The following SNTG1 variants were observed in gnomAD, a reference collection of about 807,000 sequenced individuals.
SNTG1 encodes gamma-1-syntrophin.
In SNTG1, 39 loss-of-function variants were observed where a neutral mutation model predicts 74.7. The observed-to-expected ratio is 0.52, with a 90% CI of 0.40 to 0.68. The LOEUF (loss-of-function observed/expected upper bound fraction) is 0.68, where lower values mean the gene tolerates loss of function less well. SNTG1 is among the 30% of genes least tolerant of loss of function. The pLI is 0.00. For synonymous variants in SNTG1, 254 were observed against 217.1 expected, an observed-to-expected ratio of 1.17 and a Z score of -1.49; for missense variants, 685 against 609.5, an observed-to-expected ratio of 1.12 and a Z score of -1.30.
chr8:50,260,428 T>TA (rs1434146489), intron 2 of SNTG1, among the ~76,000 whole-genome samples: 2 of 152,014 alleles, frequency 1.3e-5, no homozygotes, highest in African/African-American at 4.8e-5. Flanking sequence ...ATAGTACACT[T>TA]CTCCACACAC....
chr8:50,609,182 T>C (rs1476148027), intron 13 of SNTG1, among the ~76,000 whole-genome samples: 1 of 152,086 alleles, frequency 6.6e-6, no homozygotes, highest in Non-Finnish European at 1.5e-5. Context: ...GCATTAGTTT[T>C]CGTTTCTCAC....
intron 15 of SNTG1, among the ~76,000 whole-genome samples, chr8:50,663,511 CAGT>C (rs1269608500): frequency 6.6e-6 from 1 of 152,102 alleles, no homozygotes; most frequent in Non-Finnish European, 1.5e-5. Context: ...AGTGCCCTCA[CAGT>C]AGCTACTCAC....
intron 8 of SNTG1, among the ~76,000 whole-genome samples, chr8:50,476,857 G>GACAGACACAC (rs2093700637): frequency 6.9e-6 from 1 of 145,862 alleles, no homozygotes; most frequent in African/African-American, 2.5e-5. Context: ...GACACACACA[G>GACAGACACAC]ACACACACAC....
At chr8:50,097,617 A>G (rs571893831) in intron 1 of SNTG1, among the ~76,000 whole-genome samples, 1 of 151,918 alleles carries the variant, frequency 6.6e-6, no homozygotes, top group African/African-American at 2.4e-5. Flanking sequence ...GCGCCACAGC[A>G]CTCCAGCCTG....
intron 11 of SNTG1, among the ~76,000 whole-genome samples, chr8:50,537,118 A>G (rs72643622): frequency 0.092 from 13,916 of 151,986 alleles, 920 homozygotes; most frequent in Non-Finnish European, 0.14. Flanking sequence ...TAGTTTATCT[A>G]TTTGTTTGTT....
chr8:50,042,042 A>G (rs909571596), intron 1 of SNTG1, among the ~76,000 whole-genome samples: 7 of 152,166 alleles, frequency 4.6e-5, no homozygotes, highest in African/African-American at 1.7e-4. Context: ...ACCCTGATAA[A>G]CCAATTATAA....
intron 17 of SNTG1, among the ~76,000 whole-genome samples, chr8:50,741,820 C>T (rs2095544106): frequency 6.6e-6 from 1 of 151,982 alleles, no homozygotes; most frequent in African/African-American, 2.4e-5. Context: ...AAAGGCAAAA[C>T]TGTGAAGATG....
chr8:50,158,743 A>G (rs1363981541), intron 1 of SNTG1, among the ~76,000 whole-genome samples: 1 of 152,042 alleles, frequency 6.6e-6, no homozygotes, highest in Non-Finnish European at 1.5e-5. Context: ...TAATTGATTC[A>G]ATTTTTTGCT....
chr8:50,774,923 T>C (rs539909795), intron 18 of SNTG1, among the ~76,000 whole-genome samples: 1 of 150,956 alleles, frequency 6.6e-6, no homozygotes, highest in African/African-American at 2.4e-5. Context: ...AAATAACTAA[T>C]AAAATAACTA....
chr8:50,110,041 G>T (rs920398259), intron 1 of SNTG1, among the ~76,000 whole-genome samples: 7 of 152,118 alleles, frequency 4.6e-5, no homozygotes, highest in Non-Finnish European at 4.4e-5. Context: ...ACCAGGAATT[G>T]GATATGAATT....
chr8:50,796,625 C>G lies in SNTG1; in HGVS notation c.*3796C>G, dbSNP rs527440971. ...TTCATTCTTTCAGTTCATTAATGTA[C>G]TACTAATGAAACCATACTTTTTTAA... On this transcript the variant is annotated 3_prime_UTR_variant, in exon 19 of 19. Transcript: ENST00000642720. 16 of 151,884 alleles carry G rather than the reference C, an allele frequency of 1.1e-4. No homozygotes were observed. Among genetic ancestry groups the G allele is most frequent in the African/African-American group, 3.9e-4 (16 of 41,484 alleles). 9.4% of individuals were successfully genotyped at this position (151,884 alleles called of 1,614,324 possible).
At chr8:50,545,156 G>A (rs2094377823) in intron 11 of SNTG1, among the ~76,000 whole-genome samples, 1 of 151,574 alleles carries the variant, frequency 6.6e-6, no homozygotes, top group East Asian at 1.9e-4. Context: ...TTTAACTTCA[G>A]TGATATAATA....
chr8:50,673,157 G>A (rs962360449), intron 15 of SNTG1, among the ~76,000 whole-genome samples: 1 of 152,084 alleles, frequency 6.6e-6, no homozygotes, highest in African/African-American at 2.4e-5. Context: ...CTTGGCTATA[G>A]AGGGTCTCCT....
chr8:50,547,238 G>A (rs1243738839), intron 11 of SNTG1, among the ~76,000 whole-genome samples: 1 of 152,128 alleles, frequency 6.6e-6, no homozygotes, highest in African/African-American at 2.4e-5. Context: ...TTCACAGATT[G>A]GTCAGGAGGT....
intron 8 of SNTG1, among the ~76,000 whole-genome samples, chr8:50,489,605 C>T (rs995425104): frequency 1.3e-5 from 2 of 152,180 alleles, no homozygotes; most frequent in Non-Finnish European, 2.9e-5. Context: ...ATCCTTTGCC[C>T]ACTTTTTGAT....
At chr8:49,919,359 A>C (rs187451911) in intron 1 of SNTG1, among the ~76,000 whole-genome samples, 7 of 152,250 alleles carry the variant, frequency 4.6e-5, no homozygotes, top group African/African-American at 1.7e-4. Context: ...CCCTCTTCCC[A>C]GAACACAAAT....
chr8:50,674,062 G>T (rs2095298316), intron 15 of SNTG1, among the ~76,000 whole-genome samples: 2 of 152,242 alleles, frequency 1.3e-5, no homozygotes, highest in Non-Finnish European at 1.5e-5. Context: ...TTGATGTGCT[G>T]CTGGATTCGG....
intron 13 of SNTG1, among the ~76,000 whole-genome samples, chr8:50,646,765 T>A (rs1376424678): frequency 6.6e-6 from 1 of 152,158 alleles, no homozygotes; most frequent in African/African-American, 2.4e-5. Flanking sequence ...ACCAACACCA[T>A]ACTGAAGTAG....
At chr8:49,998,707 A>G (rs1390988076) in intron 1 of SNTG1, among the ~76,000 whole-genome samples, 1 of 151,922 alleles carries the variant, frequency 6.6e-6, no homozygotes, top group African/African-American at 2.4e-5. Context: ...GAAGGTCTTC[A>G]GGGACAATAA....
Sources: allele counts gnomAD v4.1 joint callset (sites outside exome capture counted in the v4.1 genomes callset), GRCh38; gene constraint gnomAD v4.1.1; transcripts MANE v1.5; gene names NCBI Gene and HGNC (gene_info 2026-07-23, HGNC 2026-07-21).